TRIO: variants seen among roughly 807,000 people sequenced by gnomAD.
TRIO encodes trio Rho guanine nucleotide exchange factor.
A neutral mutation model predicts 351.9 loss-of-function variants in TRIO; 58 were observed. The observed-to-expected ratio is 0.16, with a 90% CI of 0.13 to 0.21. The LOEUF (loss-of-function observed/expected upper bound fraction) is 0.21, where lower values mean the gene tolerates loss of function less well. TRIO is among the 10% of genes least tolerant of loss of function. The probability of loss-of-function intolerance (pLI) is 1.00; values close to 1 mark genes in which losing one functional copy is unlikely to be tolerated. For missense variants in TRIO, 3,201 were observed against 4,027.8 expected, an observed-to-expected ratio of 0.79 and a Z score of 5.56; for synonymous variants, 1,758 against 1,595.7, an observed-to-expected ratio of 1.10 and a Z score of -2.42.
At chr5:14,455,063 G>A (rs1753166345) in intron 34 of TRIO, among the ~76,000 whole-genome samples, 1 of 152,178 alleles carries the variant, frequency 6.6e-6, no homozygotes, top group Non-Finnish European at 1.5e-5. Flanking sequence ...TGAAGCTGCA[G>A]ACCTTCGCGG....
At chr5:14,282,990 C>T (rs1736132886) in intron 3 of TRIO, among the ~76,000 whole-genome samples, 1 of 152,174 alleles carries the variant, frequency 6.6e-6, no homozygotes, top group African/African-American at 2.4e-5. Context: ...AAAGTGAGTC[C>T]TCTCTGGGCC....
intron 11 of TRIO, among the ~76,000 whole-genome samples, chr5:14,348,648 C>G (rs1369071381): frequency 1.3e-5 from 2 of 152,056 alleles, no homozygotes; most frequent in African/African-American, 4.8e-5. Context: ...GCATGTGAAC[C>G]TGTTTTTCCT....
intron 9 of TRIO, among the ~76,000 whole-genome samples, chr5:14,320,296 G>A (rs1406402309): frequency 6.6e-6 from 1 of 152,178 alleles, no homozygotes; most frequent in African/African-American, 2.4e-5. Flanking sequence ...CTGTTCAGAT[G>A]GGTAGTAGTA....
chr5:14,149,098 A>C (rs1243378333), intron 1 of TRIO, among the ~76,000 whole-genome samples: 1 of 152,156 alleles, frequency 6.6e-6, no homozygotes, highest in South Asian at 2.1e-4. Flanking sequence ...ACTGAGGGGA[A>C]GGGAGCATAG....
intron 2 of TRIO, 22 bp from the exon 3 acceptor site, chr5:14,280,300 A>G: frequency 6.3e-7 from 1 of 1,599,804 alleles, no homozygotes; most frequent in Non-Finnish European, 8.6e-7. Flanking sequence ...GTCTAAGTGT[A>G]TTCCTAATGT....
intron 1 of TRIO, among the ~76,000 whole-genome samples, chr5:14,222,060 A>G (rs1045012331): frequency 6.6e-6 from 1 of 151,888 alleles, no homozygotes; most frequent in Non-Finnish European, 1.5e-5. Flanking sequence ...GTCAGCAGCC[A>G]TCCACATCGC....
At chr5:14,179,103 G>A (rs1227481451) in intron 1 of TRIO, among the ~76,000 whole-genome samples, 1 of 152,184 alleles carries the variant, frequency 6.6e-6, no homozygotes, top group African/African-American at 2.4e-5. Flanking sequence ...CCCATTTGGA[G>A]TGAGGGAAGA....
At chr5:14,199,141 A>G (rs1156326984) in intron 1 of TRIO, among the ~76,000 whole-genome samples, 2 of 121,126 alleles carry the variant, frequency 1.7e-5, no homozygotes, top group Non-Finnish European at 3.2e-5. Flanking sequence ...GGAGGCTGAG[A>G]TGGGAGAATT....
intron 18 of TRIO, 33 bp downstream of exon 18, chr5:14,369,556 C>T (rs374915813): frequency 1.1e-5 from 18 of 1,577,504 alleles, no homozygotes; most frequent in Admixed American, 1.7e-5. Flanking sequence ...GTGCACCCAT[C>T]AGAGGCTTCC....
chr5:14,496,397 G>A (rs1279454949), intron 49 of TRIO, among the ~76,000 whole-genome samples: 1 of 152,158 alleles, frequency 6.6e-6, no homozygotes, highest in Admixed American at 6.5e-5. Context: ...GAGAGCACGT[G>A]GTGCAGGCTG....
At chr5:14,183,213 C>CT (rs1355179463) in intron 1 of TRIO, among the ~76,000 whole-genome samples, 1 of 152,182 alleles carries the variant, frequency 6.6e-6, no homozygotes, top group Non-Finnish European at 1.5e-5. Flanking sequence ...CTTAGTGAGG[C>CT]TTTCCCTTGC....
At chr5:14,332,712 A>G (rs1031947822) in intron 10 of TRIO, among the ~76,000 whole-genome samples, 3 of 152,158 alleles carry the variant, frequency 2.0e-5, no homozygotes, top group African/African-American at 4.8e-5. Context: ...AAATTTACCA[A>G]TATGACTCCA....
In TRIO at chr5:14,310,843, G is replaced by A. The variant is rs150588610; in HGVS notation, c.1501-5670G>A. On this transcript the variant is annotated intron_variant, in intron 8 of 56. Coordinates refer to ENST00000344204, the MANE Select transcript of TRIO (RefSeq NM_007118.4). ...TGGGATTACAGGTGTATGCCACCAG[G>A]CCCGGCTAATTTTTATATTTTTAGT... is the stretch of plus-strand genomic sequence containing the variant. Among the ~76,000 whole-genome samples, 56 of 152,280 alleles carry A rather than the reference G, an allele frequency of 3.7e-4. No individual in the cohort carries two copies. In the East Asian group the frequency reaches 9.4e-3, roughly 26 times the overall value.
chr5:14,481,887 C>T, intron 45 of TRIO: 1 of 401,954 alleles, frequency 2.5e-6, no homozygotes, highest in Non-Finnish European at 4.4e-6. Flanking sequence ...GTCTCTTGGG[C>T]CCAGTACTGT....
At chr5:14,303,468 G>T (rs1305288819) in intron 7 of TRIO, among the ~76,000 whole-genome samples, 1 of 144,764 alleles carries the variant, frequency 6.9e-6, no homozygotes, top group African/African-American at 2.6e-5. Flanking sequence ...GCTGCCGCAG[G>T]ACTGTTGATG....
Position 14,482,661 on chromosome 5 carries a change from G to A in TRIO, c.6545G>A (p.Arg2182His), listed in dbSNP as rs753703369. The A allele has an allele frequency of 8.1e-6, 13 of 1,608,420 alleles. No homozygotes were observed. In the East Asian group the frequency reaches 9.0e-5, roughly 11 times the overall value. Residue 2182 changes from arginine to histidine, a missense_variant, in exon 46 of 57, where the codon CGC (arginine) becomes CAC (histidine). Arg to His is a conservative substitution (Grantham distance 29). Coordinates refer to ENST00000344204, the MANE Select transcript of TRIO (RefSeq NM_007118.4). ...VTDQDAGLLP[R>H]CRERRIFLFE... ...GACCAAGATGCAGGACTTCTGCCTC[G>A]CTGCAGAGAGAGGCGCATCTTCCTC...
At chr5:14,210,071 C>G (rs1347198985) in intron 1 of TRIO, among the ~76,000 whole-genome samples, 1 of 152,192 alleles carries the variant, frequency 6.6e-6, no homozygotes, top group Admixed American at 6.5e-5. Flanking sequence ...GGGGCCACAA[C>G]TAGGGCAGCG....
intron 1 of TRIO, among the ~76,000 whole-genome samples, chr5:14,192,865 A>G (rs1177541477): frequency 2.0e-5 from 3 of 152,240 alleles, no homozygotes; most frequent in African/African-American, 7.2e-5. Context: ...ATGATTTACA[A>G]GTTGGAAATG....
At chr5:14,368,657 G>T in intron 16 of TRIO, 51 bp from the exon 17 acceptor site, 1 of 1,569,508 alleles carries the variant, frequency 6.4e-7, no homozygotes, top group Non-Finnish European at 8.7e-7. Flanking sequence ...TTCCTTTCTA[G>T]TCAGTGGGGA....
Sources: gnomAD v4.1 joint callset for allele counts (sites outside exome capture counted in the v4.1 genomes callset) on GRCh38, gnomAD v4.1.1 for gene constraint, MANE v1.5 for transcripts, NCBI Gene and HGNC (gene_info 2026-07-23, HGNC 2026-07-21) for gene names.